RIN2: variants seen among roughly 807,000 people sequenced by gnomAD.
RIN2 encodes the protein RAB5 interacting protein 2.
Under a neutral mutation model 78.0 loss-of-function variants are expected in RIN2, and 36 were observed. The ratio of observed to expected loss-of-function variants is 0.46; its 90% CI spans 0.35 to 0.61. The LOEUF (loss-of-function observed/expected upper bound fraction) is 0.61, where lower values mean the gene tolerates loss of function less well. RIN2 is among the 20% of genes least tolerant of loss of function. The probability of loss-of-function intolerance (pLI) is 0.00; values close to 1 mark genes in which losing one functional copy is unlikely to be tolerated. For missense variants in RIN2, 1,087 were observed against 1,159.7 expected, an observed-to-expected ratio of 0.94 and a Z score of 0.91; for synonymous variants, 466 against 466.8, an observed-to-expected ratio of 1.00 and a Z score of 0.02.
intron 2 of RIN2, among the ~76,000 whole-genome samples, chr20:19,841,111 C>G (rs775205116): frequency 3.3e-5 from 5 of 152,016 alleles, no homozygotes; most frequent in Non-Finnish European, 7.4e-5. Flanking sequence ...ACTATGTTGC[C>G]AAGAGTGAGA....
intron 3 of RIN2, among the ~76,000 whole-genome samples, chr20:19,920,040 A>G (rs1307542608): frequency 6.6e-6 from 1 of 152,152 alleles, no homozygotes; most frequent in African/African-American, 2.4e-5. Flanking sequence ...CACGCCTGTA[A>G]TCCCAGCACT....
chr20:19,945,748 C>T (rs2041064685), intron 4 of RIN2, among the ~76,000 whole-genome samples: 1 of 152,090 alleles, frequency 6.6e-6, no homozygotes, highest in South Asian at 2.1e-4. Context: ...CCACTCAAAG[C>T]CCACTCCTTG....
chr20:19,835,048 A>G (rs1408968222), intron 2 of RIN2, among the ~76,000 whole-genome samples: 4 of 151,530 alleles, frequency 2.6e-5, no homozygotes, highest in African/African-American at 9.7e-5. Context: ...AGAAAGAAAA[A>G]GACAGAAAGA....
intron 2 of RIN2, among the ~76,000 whole-genome samples, chr20:19,829,876 C>G (rs555877035): frequency 9.9e-5 from 15 of 152,230 alleles, no homozygotes; most frequent in Non-Finnish European, 2.1e-4. Flanking sequence ...GCCCCTGACT[C>G]TGTCTCATTC....
chr20:19,929,604 C>T (rs150912201), intron 3 of RIN2, among the ~76,000 whole-genome samples: 1,545 of 152,148 alleles, frequency 0.01, 28 homozygotes, highest in African/African-American at 0.033. Context: ...TCAAGTGAAC[C>T]GCCCACCTCA....
At chr20:19,897,358 C>T (rs1439410799) in intron 3 of RIN2, among the ~76,000 whole-genome samples, 1 of 152,168 alleles carries the variant, frequency 6.6e-6, no homozygotes, top group Non-Finnish European at 1.5e-5. Context: ...ATCTTCCTGC[C>T]TCAGCCTCCT....
rs569226113 is a variant in RIN2 at position 19,980,852 on chromosome 20, A to G, written c.1762+5065A>G. Among the ~76,000 whole-genome samples, 10 of 152,292 alleles carry G rather than the reference A, an allele frequency of 6.6e-5. No homozygotes were observed. In the South Asian group the frequency reaches 1.7e-3, roughly 25 times the overall value. ...AGCTCAGTCTCTCAACAGGGAACAA[A>G]TGGTGTAGACACAGCCCCCACTCTC... On this transcript the variant is annotated intron_variant, in intron 9 of 12. Coordinates refer to ENST00000255006, the MANE Select transcript of RIN2 (RefSeq NM_018993.4).
intron 3 of RIN2, among the ~76,000 whole-genome samples, chr20:19,907,339 A>G (rs1425549273): frequency 1.3e-5 from 2 of 152,214 alleles, no homozygotes; most frequent in Non-Finnish European, 2.9e-5. Context: ...GACACAGCCC[A>G]ATCATAGCCC....
At chr20:19,775,182 T>C (rs544208015) in intron 1 of RIN2, among the ~76,000 whole-genome samples, 8 of 152,226 alleles carry the variant, frequency 5.3e-5, no homozygotes, top group East Asian at 3.9e-4. Flanking sequence ...TTTCAGAATA[T>C]AGAAAGCCTA....
chr20:19,994,756 A>G (rs2042903216), intron 11 of RIN2, among the ~76,000 whole-genome samples: 1 of 152,226 alleles, frequency 6.6e-6, no homozygotes, highest in Admixed American at 6.5e-5. Flanking sequence ...TAGCATCTGT[A>G]TTCTGGATTA....
chr20:19,898,231 G>A (rs1378524811), intron 3 of RIN2, among the ~76,000 whole-genome samples: 9 of 152,206 alleles, frequency 5.9e-5, no homozygotes, highest in Admixed American at 5.9e-4. Context: ...CTAACAGCAT[G>A]TGTCGTTCCA....
chr20:19,777,838 T>C (rs2034365161), intron 1 of RIN2, among the ~76,000 whole-genome samples: 1 of 152,234 alleles, frequency 6.6e-6, no homozygotes, highest in Non-Finnish European at 1.5e-5. Context: ...ATTTTGCCAT[T>C]TTTAAAAGTC....
At chr20:19,820,674 G>A (rs2122893250) in intron 2 of RIN2, among the ~76,000 whole-genome samples, 1 of 152,246 alleles carries the variant, frequency 6.6e-6, no homozygotes, top group East Asian at 1.9e-4. Flanking sequence ...GGGCCAGTGT[G>A]GACCATGTAC....
At chr20:19,795,635 C>A (rs139688386) in intron 1 of RIN2, among the ~76,000 whole-genome samples, 191 of 152,268 alleles carry the variant, frequency 1.3e-3, no homozygotes, top group African/African-American at 4.4e-3. Context: ...AGATCCTGCA[C>A]GTGACAGCAA....
chr20:19,917,492 A>G (rs1174161670), intron 3 of RIN2, among the ~76,000 whole-genome samples: 1 of 152,248 alleles, frequency 6.6e-6, no homozygotes, highest in Non-Finnish European at 1.5e-5. Flanking sequence ...AGTGTAAAGA[A>G]GAAAAGAGAC....
At chr20:19,958,902 G>C (rs1264470144) in intron 5 of RIN2, among the ~76,000 whole-genome samples, 1 of 152,120 alleles carries the variant, frequency 6.6e-6, no homozygotes, top group Non-Finnish European at 1.5e-5. Context: ...AAAGAAGAGA[G>C]AGAAAAGCAG....
At chr20:19,800,550 C>A (rs2035208559) in intron 2 of RIN2, among the ~76,000 whole-genome samples, 1 of 152,180 alleles carries the variant, frequency 6.6e-6, no homozygotes, top group Non-Finnish European at 1.5e-5. Flanking sequence ...GTCCTTGAGA[C>A]CCAGCCACCA....
chr20:19,996,425 C>T (rs936429085), intron 11 of RIN2, among the ~76,000 whole-genome samples: 3 of 152,200 alleles, frequency 2.0e-5, no homozygotes, highest in African/African-American at 7.2e-5. Flanking sequence ...CCTTGTCAGC[C>T]TGGCTTGTCT....
intron 2 of RIN2, among the ~76,000 whole-genome samples, chr20:19,846,684 T>C (rs773465236): frequency 6.6e-6 from 1 of 152,218 alleles, no homozygotes; most frequent in Non-Finnish European, 1.5e-5. Flanking sequence ...TTTGATTTCC[T>C]CTCTTCCTAT....
Sources: allele counts gnomAD v4.1 joint callset (sites outside exome capture counted in the v4.1 genomes callset), GRCh38; gene constraint gnomAD v4.1.1; transcripts MANE v1.5; gene names NCBI Gene and HGNC (gene_info 2026-07-23, HGNC 2026-07-21).